Variants in LRRC7 observed in about 807,000 individuals in gnomAD.
LRRC7 encodes the protein leucine-rich repeat-containing protein 7.
Under a neutral mutation model 175.7 loss-of-function variants are expected in LRRC7, and 23 were observed. The ratio of observed to expected loss-of-function variants is 0.13; its 90% CI spans 0.09 to 0.19. LRRC7 has a LOEUF of 0.19. Among genes scored for constraint, LRRC7 ranks in the 10% least tolerant of loss-of-function variants. The probability of loss-of-function intolerance (pLI) is 1.00; values close to 1 mark genes in which losing one functional copy is unlikely to be tolerated. For synonymous variants in LRRC7, 685 were observed against 680.9 expected, an observed-to-expected ratio of 1.01 and a Z score of -0.09; for missense variants, 1,354 against 1,904.7, an observed-to-expected ratio of 0.71 and a Z score of 5.38.
intron 4 of LRRC7, 57 bp from the exon 5 acceptor site, chr1:69,825,691 A>C (rs556688350): frequency 3.9e-4 from 430 of 1,110,170 alleles, no homozygotes; most frequent in Non-Finnish European, 5.5e-4. Flanking sequence ...TTAGAACTAT[A>C]GTTTAAAGAA....
At chr1:69,660,764 C>A (rs1657344598) in intron 1 of LRRC7, among the ~76,000 whole-genome samples, 1 of 151,978 alleles carries the variant, frequency 6.6e-6, no homozygotes, top group Non-Finnish European at 1.5e-5. Flanking sequence ...CATAAAGCGC[C>A]TTTGTAAAGA....
At chr1:69,905,177 G>A (rs1646258968) in intron 7 of LRRC7, among the ~76,000 whole-genome samples, 1 of 152,010 alleles carries the variant, frequency 6.6e-6, no homozygotes, top group African/African-American at 2.4e-5. Flanking sequence ...TTATGCTAGA[G>A]TAATTTATAT....
chr1:70,033,589 C>G, intron 18 of LRRC7, among the ~76,000 whole-genome samples: 1 of 152,008 alleles, frequency 6.6e-6, no homozygotes, highest in East Asian at 1.9e-4. Context: ...TAATCATCCT[C>G]TCTTCCTGGT....
intron 17 of LRRC7, among the ~76,000 whole-genome samples, chr1:70,026,811 A>G (rs1658155155): frequency 6.6e-6 from 1 of 152,166 alleles, no homozygotes; most frequent in African/African-American, 2.4e-5. Context: ...GAATGTTAGA[A>G]GTCATCTAGT....
At position 70,126,472 on chromosome 1, in the gene LRRC7, A is replaced by G. The variant is rs1170074769; in HGVS notation, c.*4585A>G. Among the ~76,000 whole-genome samples the G allele has an allele frequency of 6.6e-6, 1 of 152,102 alleles. No homozygotes were observed. Among genetic ancestry groups the G allele is most frequent in the African/African-American group, 2.4e-5 (1 of 41,396 alleles). On this transcript the variant is annotated 3_prime_UTR_variant, in exon 27 of 27. Coordinates refer to ENST00000651989, the MANE Select transcript of LRRC7 (RefSeq NM_001370785.2). ...TAATGTGTCCTCTCTTCACACTTGTAGCTACCTGATCATCTGGGACTTGGG... is the reference window on the plus strand; with the variant it reads ...TAATGTGTCCTCTCTTCACACTTGTGGCTACCTGATCATCTGGGACTTGGG...
In LRRC7 at chr1:70,053,149, A is replaced by G. The variant is rs2102063541; in HGVS notation, c.4230+4A>G. The G allele has an allele frequency of 6.3e-7, 1 of 1,598,736 alleles. No individual in the cohort carries two copies. Among genetic ancestry groups the G allele is most frequent in the Non-Finnish European group, 8.5e-7 (1 of 1,173,348 alleles). On this transcript the variant is annotated splice_donor_region_variant and intron_variant, in intron 23 of 26. Coordinates refer to ENST00000651989, the MANE Select transcript of LRRC7 (RefSeq NM_001370785.2). Reference sequence around the variant, plus strand: ...TCCGGACACCATTACTAAGAAGGTAACCAATTTTTAATTAACAAGACAAAC... The same window carrying G: ...TCCGGACACCATTACTAAGAAGGTAGCCAATTTTTAATTAACAAGACAAAC...
At chr1:69,715,681 G>A (rs1665259689) in intron 2 of LRRC7, among the ~76,000 whole-genome samples, 1 of 151,840 alleles carries the variant, frequency 6.6e-6, no homozygotes, top group South Asian at 2.1e-4. Flanking sequence ...AGGTATAATA[G>A]CAAGATATAA....
intron 7 of LRRC7, among the ~76,000 whole-genome samples, chr1:69,867,049 A>G (rs1685024188): frequency 6.6e-6 from 1 of 152,134 alleles, no homozygotes; most frequent in Non-Finnish European, 1.5e-5. Flanking sequence ...TTATAAAATT[A>G]TCATACACCT....
At position 70,144,147 on chromosome 1, in the gene LRRC7, A is replaced by T. The variant is rs1667206810; in HGVS notation, c.*22260A>T. The T allele has an allele frequency of 6.6e-6, 1 of 152,192 alleles. No homozygotes were observed. The allele number at this position is 152,192 out of a possible 1,614,324, so 9.4% of individuals were successfully genotyped here. On this transcript the variant is annotated 3_prime_UTR_variant, in exon 27 of 27. Coordinates refer to ENST00000651989, the MANE Select transcript of LRRC7 (RefSeq NM_001370785.2). ...TTCTCCAGTTTTATTTTATGTACTG[A>T]CACTAATTGGTAAAGGTGTACAATG...
intron 8 of LRRC7, among the ~76,000 whole-genome samples, chr1:69,939,064 C>T (rs181986511): frequency 7.6e-6 from 1 of 130,854 alleles, no homozygotes; most frequent in Admixed American, 8.2e-5. Context: ...ACAGACATTG[C>T]CAGAAGTTAT....
intron 8 of LRRC7, among the ~76,000 whole-genome samples, chr1:69,968,409 C>T (rs947673083): frequency 6.6e-5 from 10 of 152,168 alleles, no homozygotes; most frequent in Admixed American, 2.6e-4. Flanking sequence ...CTTCCCCAGC[C>T]TTGCTAAAGA....
At chr1:69,680,365 T>C (rs998796014) in intron 2 of LRRC7, among the ~76,000 whole-genome samples, 5 of 152,146 alleles carry the variant, frequency 3.3e-5, no homozygotes, top group Admixed American at 6.6e-5. Context: ...AATCAAGTTT[T>C]ATTGTTCTCT....
rs141805120 is a variant in LRRC7 at position 69,702,650 on chromosome 1, A to T, written c.100+24172A>T. 5.8e-3 allele frequency among the ~76,000 whole-genome samples: 890 copies of T among 152,280 alleles called. 9 individuals carry two copies. The highest frequency in any genetic ancestry group is 0.02 in the African/African-American group (844 of 41,560). On this transcript the variant is annotated intron_variant, in intron 2 of 26. Coordinates refer to ENST00000651989, the MANE Select transcript of LRRC7 (RefSeq NM_001370785.2). ...CATGGAGGCTATTCAGCAACTTTTA[A>T]GAGCCACAATGTGTATGGAAGTATC...
intron 2 of LRRC7, among the ~76,000 whole-genome samples, chr1:69,709,882 T>C (rs1664527744): frequency 6.6e-6 from 1 of 152,070 alleles, no homozygotes; most frequent in African/African-American, 2.4e-5. Context: ...CTTATGATAA[T>C]GGTAGGGAGA....
Position 69,617,547 on chromosome 1 carries a change from TAAAAAAAA to T in LRRC7, c.2+48924_2+48931del, listed in dbSNP as rs11473590. Among the ~76,000 whole-genome samples the T allele has an allele frequency of 4.8e-5, 3 of 62,000 alleles. 1 individual carries two copies. The highest frequency in any genetic ancestry group is 1.5e-3 in the South Asian group (2 of 1,314). 40.7% of individuals were successfully genotyped at this position (62,000 alleles called of 152,430 possible). On this transcript the variant is annotated intron_variant, in intron 1 of 26. Transcript: ENST00000651989. ...GCTGAAGGTTGTTATATACTCACAG[TAAAAAAAA>T]AAAAAAAAAAAAAAAAATCAGAACT...
intron 5 of LRRC7, among the ~76,000 whole-genome samples, chr1:69,833,102 T>C (rs1680713592): frequency 7.9e-6 from 1 of 126,108 alleles, no homozygotes; most frequent in South Asian, 2.4e-4. Flanking sequence ...TGAAACTCTA[T>C]TTCAAAAAAA....
At chr1:69,716,757 A>T (rs1296945552) in intron 2 of LRRC7, among the ~76,000 whole-genome samples, 2 of 151,878 alleles carry the variant, frequency 1.3e-5, no homozygotes, top group African/African-American at 4.8e-5. Context: ...CAAGAAATGA[A>T]ATAGGAGGTT....
Position 70,028,440 on chromosome 1 carries a change from C to T in LRRC7, c.1995+69C>T, listed in dbSNP as rs1658356323. On this transcript the variant is annotated intron_variant, in intron 18 of 26. Transcript: ENST00000651989. ...TTGGAATTTTAAATATGTTTTTTAA[C>T]TGAATAGATCTTCCTTGATAAGTGC... 18 of 1,306,490 alleles carry T rather than the reference C, an allele frequency of 1.4e-5. No individual in the cohort carries two copies. In the South Asian group the frequency reaches 2.4e-4, roughly 18 times the overall value. The allele number at this position is 1,306,490 out of a possible 1,614,324, so 80.9% of individuals were successfully genotyped here.
chr1:69,703,007 G>T (rs1663563582), intron 2 of LRRC7, among the ~76,000 whole-genome samples: 1 of 152,040 alleles, frequency 6.6e-6, no homozygotes, highest in Non-Finnish European at 1.5e-5. Context: ...AGTTCAGCAG[G>T]TGACTTGTTC....
Sources: allele counts gnomAD v4.1 joint callset (sites outside exome capture counted in the v4.1 genomes callset), GRCh38; gene constraint gnomAD v4.1.1; transcripts MANE v1.5; gene names NCBI Gene and HGNC (gene_info 2026-07-23, HGNC 2026-07-21).